The following BCHE variants were observed in gnomAD, a reference collection of about 807,000 sequenced individuals.
The protein encoded by BCHE is cholinesterase.
In BCHE, 48 loss-of-function variants were observed where a neutral mutation model predicts 51.3. That is an observed-to-expected ratio of 0.94 (90% CI 0.74 to 1.19). BCHE has a LOEUF of 1.19. Among genes scored for constraint, BCHE ranks in the 50% most tolerant of loss-of-function variants. The pLI is 0.00. For missense variants in BCHE, 847 were observed against 708.2 expected (o/e 1.20, Z -2.23); for synonymous variants, 251 against 238.0 (o/e 1.05, Z -0.50).
At chr3:165,808,824 C>T (rs1490473728) in intron 2 of BCHE, among the ~76,000 whole-genome samples, 1 of 152,054 alleles carries the variant, frequency 6.6e-6, no homozygotes, top group African/African-American at 2.4e-5. Flanking sequence ...ACCAAAAAGA[C>T]TAATTTTGAA....
chr3:165,834,330 T>C lies in BCHE; in HGVS notation c.-9+2984A>G, dbSNP rs186736013. On this transcript the variant is annotated intron_variant, in intron 1 of 3. Coordinates refer to ENST00000264381, the MANE Select transcript of BCHE (RefSeq NM_000055.4). ...AAAATCTTTAATTTTTCGATAATGA[T>C]ATCTGAGTTATCAACTTGCAAATAA... Among the ~76,000 whole-genome samples the C allele has an allele frequency of 1.5e-3, 233 of 152,154 alleles. 1 individual carries two copies. The highest frequency in any genetic ancestry group is 4.9e-4 in the Non-Finnish European group (33 of 67,890).
chr3:165,821,146 C>A (rs1714496517), intron 2 of BCHE, among the ~76,000 whole-genome samples: 1 of 151,836 alleles, frequency 6.6e-6, no homozygotes, highest in African/African-American at 2.4e-5. Context: ...TTAAGAGTAT[C>A]TTTAACTGAT....
Position 165,835,859 on chromosome 3 carries a change from C to T in BCHE, c.-9+1455G>A, listed in dbSNP as rs552014858. Among the ~76,000 whole-genome samples the T allele has an allele frequency of 1.1e-3, 162 of 151,970 alleles. 1 individual carries two copies. The highest frequency in any genetic ancestry group is 3.6e-3 in the African/African-American group (148 of 41,530). ...GAGTCTTCTCTGAAAATTAAATCTC[C>T]TCTTAGGTTGCTATCTATTCAATTA... On this transcript the variant is annotated intron_variant, in intron 1 of 3. Coordinates refer to ENST00000264381, the MANE Select transcript of BCHE (RefSeq NM_000055.4).
intron 2 of BCHE, among the ~76,000 whole-genome samples, chr3:165,807,435 A>C (rs962639946): frequency 6.6e-6 from 1 of 152,020 alleles, no homozygotes; most frequent in Non-Finnish European, 1.5e-5. Flanking sequence ...TGTTTTCAAC[A>C]ACCAGTTACC....
chr3:165,832,998 C>A (rs1715044751), intron 1 of BCHE, among the ~76,000 whole-genome samples: 1 of 151,866 alleles, frequency 6.6e-6, no homozygotes, highest in South Asian at 2.1e-4. Context: ...GGGCTTGATA[C>A]TTAATGGATA....
intron 2 of BCHE, among the ~76,000 whole-genome samples, chr3:165,807,439 A>G (rs1444103595): frequency 6.6e-6 from 1 of 152,006 alleles, no homozygotes; most frequent in African/African-American, 2.4e-5. Context: ...TTCAACAACC[A>G]GTTACCATCA....
Position 165,780,365 on chromosome 3 carries a change from C to T in BCHE, c.1684+5780G>A, listed in dbSNP as rs779738655. ...CAAGGCATGGACAAAGACTTCATGA[C>T]GAAAATGTCAAAAGCAATTGCAGCC... On this transcript the variant is annotated intron_variant, in intron 3 of 3. Coordinates refer to ENST00000264381, the MANE Select transcript of BCHE (RefSeq NM_000055.4). Among the ~76,000 whole-genome samples, 4 of 152,172 alleles carry T rather than the reference C, an allele frequency of 2.6e-5. No individual in the cohort carries two copies. The South Asian group carries it at 6.2e-4, about 24-fold the overall frequency.
chr3:165,777,608 T>C, intron 3 of BCHE: 1 of 269,142 alleles, frequency 3.7e-6, no homozygotes. Flanking sequence ...AATCTCTGTG[T>C]GCAGGGGCAA....
chr3:165,817,835 T>C (rs751001620), intron 2 of BCHE, among the ~76,000 whole-genome samples: 6 of 151,730 alleles, frequency 4.0e-5, no homozygotes, highest in Non-Finnish European at 8.8e-5. Flanking sequence ...AAACACAACA[T>C]AAATAGGCAA....
intron 1 of BCHE, 46 bp downstream of exon 1, chr3:165,837,268 A>G: frequency 8.6e-7 from 1 of 1,166,818 alleles, no homozygotes. Context: ...TGAGCTTTAC[A>G]GTAACTTGGA....
At chr3:165,780,704 C>T (rs556108884) in intron 3 of BCHE, among the ~76,000 whole-genome samples, 75 of 152,200 alleles carry the variant, frequency 4.9e-4, no homozygotes, top group Admixed American at 1.3e-3. Context: ...ATCAAAACCA[C>T]AATGAGATAC....
Position 165,830,076 on chromosome 3 carries a change from G to A in BCHE, c.958C>T (p.Pro320Ser), listed in dbSNP as rs749805953. ...GTGAGAAAATCACCATCCACGGTCGGACCAAAGTTTACTGACAAAGGAGTC... is the reference window on the plus strand; with the variant it reads ...GTGAGAAAATCACCATCCACGGTCGAACCAAAGTTTACTGACAAAGGAGTC... The part of the protein sequence containing the change: ...YGTPLSVNFG[P>S]TVDGDFLTDM... The change falls in exon 2 of 4, where the codon CCG becomes TCG. Residue 320 changes from proline to serine, a missense_variant. Physicochemically the swap from Pro to Ser is moderately conservative, Grantham distance 74. Coordinates refer to ENST00000264381, the MANE Select transcript of BCHE (RefSeq NM_000055.4). 2 of 1,613,536 alleles carry A rather than the reference G, an allele frequency of 1.2e-6. No homozygotes were observed. The highest frequency in any genetic ancestry group is 3.3e-5 in the Admixed American group (2 of 59,874).
intron 1 of BCHE, 87 bp from the exon 2 acceptor site, chr3:165,831,128 C>G: frequency 1.7e-6 from 2 of 1,169,912 alleles, no homozygotes; most frequent in South Asian, 1.4e-5. Context: ...AAAATATAGT[C>G]GTTAGTAATT....
In BCHE at chr3:165,786,350, T is replaced by A. The variant is rs768513158; in HGVS notation, c.1518-39A>T. On this transcript the variant is annotated intron_variant, in intron 2 of 3. Transcript: ENST00000264381. ...TAGAGACATTATAGTAAAATTGAAA[T>A]CATTGTTAGATTAAAAAGAATATTG... The A allele has an allele frequency of 3.3e-6, 5 of 1,532,930 alleles. No homozygotes were observed. The East Asian group carries it at 9.3e-5, about 29-fold the overall frequency. 95.0% of individuals were successfully genotyped at this position (1,532,930 alleles called of 1,614,324 possible). A position where few individuals can be genotyped will look rare whatever the true frequency, so the allele number is the denominator to read the frequency against.
intron 2 of BCHE, among the ~76,000 whole-genome samples, chr3:165,796,263 A>G (rs1713372019): frequency 6.6e-6 from 1 of 152,186 alleles, no homozygotes; most frequent in Non-Finnish European, 1.5e-5. Flanking sequence ...TTATGATATA[A>G]TATAGCTTGA....
At chr3:165,780,423 A>G (rs906331131) in intron 3 of BCHE, among the ~76,000 whole-genome samples, 5 of 152,218 alleles carry the variant, frequency 3.3e-5, no homozygotes, top group African/African-American at 1.2e-4. Context: ...GTATAATTAA[A>G]CTAAAGAGCT....
At chr3:165,786,021 C>A in intron 3 of BCHE, 124 bp downstream of exon 3, 1 of 1,069,090 alleles carries the variant, frequency 9.4e-7, no homozygotes, top group East Asian at 2.6e-5. Context: ...TTCATTAAAC[C>A]AAGTTATTTT....
intron 3 of BCHE, among the ~76,000 whole-genome samples, chr3:165,781,901 A>T (rs1712720485): frequency 6.6e-6 from 1 of 152,182 alleles, no homozygotes; most frequent in African/African-American, 2.4e-5. Context: ...TGCCTAATGG[A>T]TGAATGATAA....
At chr3:165,831,671 GGTA>G (rs1714993485) in intron 1 of BCHE, among the ~76,000 whole-genome samples, 1 of 152,010 alleles carries the variant, frequency 6.6e-6, no homozygotes, top group African/African-American at 2.4e-5. Context: ...ACAAATATAT[GGTA>G]GTCACCATTT....
Sources: gnomAD v4.1 joint callset for allele counts (sites outside exome capture counted in the v4.1 genomes callset) on GRCh38, gnomAD v4.1.1 for gene constraint, MANE v1.5 for transcripts, NCBI Gene and HGNC (gene_info 2026-07-23, HGNC 2026-07-21) for gene names.